The following CTNNA1 variants were observed in gnomAD, a reference collection of about 807,000 sequenced individuals.
CTNNA1 encodes the protein catenin alpha 1, also known as catenin alpha-1.
Under a neutral mutation model 98.4 loss-of-function variants are expected in CTNNA1, and 37 were observed. That is an observed-to-expected ratio of 0.38 (90% confidence interval 0.29 to 0.49). The LOEUF is 0.49. CTNNA1 is among the 20% of genes least tolerant of loss of function. The pLI is 0.95. For synonymous variants in CTNNA1, 404 were observed against 413.2 expected (o/e 0.98, Z 0.27); for missense variants, 761 against 1,147.2 (o/e 0.66, Z 4.86).
In CTNNA1 at chr5:138,886,092, A is replaced by C. The variant is rs1753958831; in HGVS notation, c.1063-120A>C. The C allele has an allele frequency of 2.0e-5, 22 of 1,125,082 alleles. 1 individual carries two copies. In the South Asian group the frequency reaches 3.5e-4, roughly 18 times the overall value. The allele number at this position is 1,125,082 out of a possible 1,614,324, so 69.7% of individuals were successfully genotyped here. On this transcript the variant is annotated intron_variant, in intron 7 of 17. Coordinates refer to ENST00000302763, the MANE Select transcript of CTNNA1 (RefSeq NM_001903.5). ...CCCCTCTGCTCCCCAGTATTTTCCA[A>C]CTTTGAGTTTAAGAAGTTGTACTGC...
At chr5:138,795,612 G>A (rs904436370) in intron 3 of CTNNA1, among the ~76,000 whole-genome samples, 3 of 152,200 alleles carry the variant, frequency 2.0e-5, no homozygotes, top group Non-Finnish European at 2.9e-5. Context: ...GGAATCTCAT[G>A]GTAGGGAAGT....
chr5:138,813,308 A>G (rs1759036970), intron 5 of CTNNA1, among the ~76,000 whole-genome samples: 2 of 152,210 alleles, frequency 1.3e-5, no homozygotes, highest in African/African-American at 4.8e-5. Context: ...TGTTCCTTCC[A>G]TATGTCTCTC....
At chr5:138,798,868 C>T (rs1479638982) in intron 3 of CTNNA1, among the ~76,000 whole-genome samples, 67 of 152,082 alleles carry the variant, frequency 4.4e-4, no homozygotes, top group African/African-American at 2.2e-4. Flanking sequence ...TACAACCGTG[C>T]GATCTTGGAT....
At chr5:138,893,650 GTCTC>G (rs1756014329) in intron 9 of CTNNA1, among the ~76,000 whole-genome samples, 1 of 151,200 alleles carries the variant, frequency 6.6e-6, no homozygotes. Flanking sequence ...TTGAGATGGA[GTCTC>G]TCTCTGTCAC....
chr5:138,916,168 T>A (rs1761694746), intron 10 of CTNNA1, among the ~76,000 whole-genome samples: 1 of 85,610 alleles, frequency 1.2e-5, no homozygotes, highest in African/African-American at 7.3e-5. Context: ...GAAAGCAAAT[T>A]AGTGGTTGCA....
chr5:138,894,985 C>G (rs1417738194), intron 9 of CTNNA1, among the ~76,000 whole-genome samples: 2 of 152,138 alleles, frequency 1.3e-5, no homozygotes, highest in Non-Finnish European at 2.9e-5. Flanking sequence ...TTTTCATTCA[C>G]CAGTTTTACA....
chr5:138,904,726 G>A (rs1363975588), intron 10 of CTNNA1: 1 of 297,786 alleles, frequency 3.4e-6, no homozygotes, highest in Admixed American at 4.6e-5. Context: ...GGATCCCAAA[G>A]TGGATGGGTC....
At chr5:138,894,869 C>G (rs903110673) in intron 9 of CTNNA1, among the ~76,000 whole-genome samples, 2 of 152,088 alleles carry the variant, frequency 1.3e-5, no homozygotes, top group Admixed American at 6.6e-5. Flanking sequence ...TCATCTTTGA[C>G]CATACCTAAA....
intron 3 of CTNNA1, among the ~76,000 whole-genome samples, chr5:138,785,086 G>A (rs35605729): frequency 0.028 from 4,183 of 148,974 alleles, 90 homozygotes; most frequent in Middle Eastern, 0.079. Context: ...TTTTGAGACG[G>A]AGTCTCGCTC....
intron 7 of CTNNA1, among the ~76,000 whole-genome samples, chr5:138,883,534 T>G (rs773338777): frequency 6.6e-6 from 1 of 152,242 alleles, no homozygotes; most frequent in Non-Finnish European, 1.5e-5. Context: ...GTGACTGTAA[T>G]TCTTTCAAAA....
At chr5:138,756,421 C>T (rs1361941789) in intron 1 of CTNNA1, among the ~76,000 whole-genome samples, 1 of 152,084 alleles carries the variant, frequency 6.6e-6, no homozygotes, top group Non-Finnish European at 1.5e-5. Flanking sequence ...CTCGCCTCAG[C>T]CTCCTAAAGT....
intron 3 of CTNNA1, among the ~76,000 whole-genome samples, chr5:138,807,037 C>G (rs986311341): frequency 4.4e-5 from 6 of 136,376 alleles, no homozygotes; most frequent in African/African-American, 1.1e-4. Context: ...TTGAGACAGA[C>G]TCTCGCTTTG....
intron 3 of CTNNA1, among the ~76,000 whole-genome samples, 196 bp from the exon 4 acceptor site, chr5:138,809,842 C>G (rs189707376): frequency 1.3e-5 from 2 of 151,874 alleles, no homozygotes; most frequent in East Asian, 3.9e-4. Flanking sequence ...CTTTCACCAG[C>G]AATATATGAA....
intron 5 of CTNNA1, among the ~76,000 whole-genome samples, chr5:138,812,635 T>G (rs986771222): frequency 5.3e-5 from 8 of 152,228 alleles, no homozygotes; most frequent in Non-Finnish European, 1.2e-4. Context: ...AGATTTTTAA[T>G]AAAATCTTAA....
Position 138,924,604 on chromosome 5 carries a change from C to T in CTNNA1, c.1641C>T (p.Gly547=), listed in dbSNP as rs1763611915. The change falls in exon 12 of 18, where the codon GGC becomes GGT. Residue 547 remains glycine, a synonymous_variant. Transcript: ENST00000302763. ...GLDRTAGAIR[G]RAARVIHVVT... is the part of the protein sequence containing the mutation. ...ACCGCACAGCTGGTGCAATTCGAGG[C>T]CGGGCAGCCCGGGTCATTCACGTAG... The T allele has an allele frequency of 6.2e-7, 1 of 1,614,052 alleles. No individual in the cohort carries two copies. The highest frequency in any genetic ancestry group is 8.5e-7 in the Non-Finnish European group (1 of 1,179,996).
chr5:138,926,611 C>T (rs28363477), intron 13 of CTNNA1, among the ~76,000 whole-genome samples: 355 of 152,342 alleles, frequency 2.3e-3, no homozygotes, highest in African/African-American at 7.9e-3. Context: ...GCATTGCTCT[C>T]GGTGCTTCTG....
At chr5:138,872,016 G>C (rs1369941324) in intron 7 of CTNNA1, 1 of 141,296 alleles carries the variant, frequency 7.1e-6, no homozygotes, top group Non-Finnish European at 1.5e-5. Flanking sequence ...AGTTGAGAGA[G>C]AGAGCGCGAG....
chr5:138,787,294 T>G (rs2149668468), intron 3 of CTNNA1, among the ~76,000 whole-genome samples: 1 of 152,238 alleles, frequency 6.6e-6, no homozygotes, highest in South Asian at 2.1e-4. Context: ...GCCGGGCGTG[T>G]TGGTGGGCAC....
At chr5:138,847,459 G>A (rs938762438) in intron 7 of CTNNA1, among the ~76,000 whole-genome samples, 2 of 152,114 alleles carry the variant, frequency 1.3e-5, no homozygotes, top group South Asian at 2.1e-4. Context: ...GTGGCAGGCC[G>A]ATGTCATAAT....
Sources: allele counts gnomAD v4.1 joint callset (sites outside exome capture counted in the v4.1 genomes callset), GRCh38; gene constraint gnomAD v4.1.1; transcripts MANE v1.5; gene names NCBI Gene and HGNC (gene_info 2026-07-23, HGNC 2026-07-21).